MPRIP: variants seen among roughly 807,000 people sequenced by gnomAD.
MPRIP encodes myosin phosphatase Rho-interacting protein.
A neutral mutation model predicts 234.9 loss-of-function variants in MPRIP; 59 were observed. The observed-to-expected ratio is 0.25, with a 90% CI of 0.20 to 0.31. MPRIP has a LOEUF of 0.31. Among genes scored for constraint, MPRIP ranks in the 10% least tolerant of loss-of-function variants. MPRIP has a pLI of 1.00. For synonymous variants in MPRIP, 1,144 were observed against 1,263.9 expected, an observed-to-expected ratio of 0.91 and a Z score of 2.01; for missense variants, 2,436 against 3,071.0, an observed-to-expected ratio of 0.79 and a Z score of 4.89.
chr17:17,111,066 G>A (rs2090157964), intron 3 of MPRIP, among the ~76,000 whole-genome samples: 1 of 151,378 alleles, frequency 6.6e-6, no homozygotes, highest in Admixed American at 6.6e-5. Context: ...GAGAGGTGTA[G>A]GAGAACTCTT....
chr17:17,130,659 T>A (rs1462339034), intron 4 of MPRIP, among the ~76,000 whole-genome samples: 1 of 151,934 alleles, frequency 6.6e-6, no homozygotes, highest in Non-Finnish European at 1.5e-5. Flanking sequence ...TGGAGCGGTG[T>A]CTTCTGAGGC....
chr17:17,149,331 A>G (rs1476557846), intron 11 of MPRIP, among the ~76,000 whole-genome samples: 2 of 152,140 alleles, frequency 1.3e-5, no homozygotes, highest in African/African-American at 4.8e-5. Flanking sequence ...TGTCTCTACT[A>G]AAAATACAAA....
At chr17:17,183,875 C>T (rs900505799) in intron 23 of MPRIP, among the ~76,000 whole-genome samples, 3 of 152,234 alleles carry the variant, frequency 2.0e-5, no homozygotes, top group African/African-American at 7.2e-5. Flanking sequence ...GAGCTAGAGC[C>T]CATCCCTTCA....
intron 3 of MPRIP, 108 bp from the exon 4 acceptor site, chr17:17,126,594 A>G (rs2090493966): frequency 3.2e-6 from 4 of 1,266,440 alleles, no homozygotes; most frequent in East Asian, 2.4e-5. Context: ...GAGGGAGAGC[A>G]CTCCTAGAGG....
chr17:17,171,732 AG>A lies in MPRIP; in HGVS notation c.6342del (p.Phe2115LeufsTer23), dbSNP rs1176173735. ...LESLKATCERGFAAMEETHQK... is the reference protein window; with the variant it reads ...LESLKATCERXFAAMEETHQK... Reference sequence around the variant, plus strand: ...GCATTTTGCAGGCCACGTGCGAGCGAGGGTTTGCAGCAATGGAAGAAACGCA... The same window carrying A: ...GCATTTTGCAGGCCACGTGCGAGCGAGGTTTGCAGCAATGGAAGAAACGCA... On this transcript the variant is annotated frameshift_variant, in exon 17 of 24. Transcript: ENST00000651222. LOFTEE classifies it high-confidence loss of function. The A allele has an allele frequency of 6.2e-7, 1 of 1,612,986 alleles. No individual in the cohort carries two copies. The highest frequency in any genetic ancestry group is 8.5e-7 in the Non-Finnish European group (1 of 1,179,998).
At chr17:17,176,344 T>A in intron 20 of MPRIP, 82 bp from the exon 21 acceptor site, 1 of 1,060,770 alleles carries the variant, frequency 9.4e-7, no homozygotes. Context: ...TGGAGAGCCC[T>A]CTGCACGCTT....
chr17:17,182,808 G>C (rs951245256), intron 23 of MPRIP: 7 of 152,266 alleles, frequency 4.6e-5, no homozygotes, highest in African/African-American at 1.7e-4. Context: ...CCAGGCCTTA[G>C]GAGTGATCAA....
At chr17:17,121,652 ATTTTCTTTTTCT>A (rs571078059) in intron 3 of MPRIP, among the ~76,000 whole-genome samples, 1 of 151,796 alleles carries the variant, frequency 6.6e-6, no homozygotes, top group African/African-American at 2.4e-5. Flanking sequence ...GGAGGGAGCT[ATTTTCTTTTTCT>A]TTTTCTTTTT....
At chr17:17,113,890 T>C (rs865801501) in intron 3 of MPRIP, among the ~76,000 whole-genome samples, 54 of 143,610 alleles carry the variant, frequency 3.8e-4, no homozygotes, top group Admixed American at 1.6e-3. Flanking sequence ...CTTTTCTTTT[T>C]TTTTTTTTTT....
At chr17:17,099,318 A>C (rs181576764) in intron 3 of MPRIP, among the ~76,000 whole-genome samples, 1 of 152,284 alleles carries the variant, frequency 6.6e-6, no homozygotes, top group Admixed American at 6.5e-5. Flanking sequence ...GTTGCATCTA[A>C]ATTCACTTAA....
At chr17:17,066,030 C>T (rs1465389138) in intron 1 of MPRIP, among the ~76,000 whole-genome samples, 1 of 152,108 alleles carries the variant, frequency 6.6e-6, no homozygotes, top group African/African-American at 2.4e-5. Context: ...CTCACTAGTT[C>T]TAGGAGTTTT....
At chr17:17,076,325 C>T (rs1358172558) in intron 2 of MPRIP, 5 of 152,482 alleles carry the variant, frequency 3.3e-5, no homozygotes, top group African/African-American at 1.2e-4. Context: ...CTGGATTTGA[C>T]TCCGGTTACA....
At chr17:17,176,657 T>C in intron 21 of MPRIP, 145 bp downstream of exon 21, 1 of 669,068 alleles carries the variant, frequency 1.5e-6, no homozygotes. Flanking sequence ...AATCAAGCCC[T>C]CTTAAAAGAC....
intron 9 of MPRIP, 61 bp downstream of exon 9, chr17:17,143,730 C>A: frequency 8.4e-7 from 1 of 1,185,526 alleles, no homozygotes. Flanking sequence ...CACTCTGAGG[C>A]GCTGTCTGTT....
At chr17:17,109,175 C>T (rs775475381) in intron 3 of MPRIP, among the ~76,000 whole-genome samples, 5 of 152,280 alleles carry the variant, frequency 3.3e-5, no homozygotes, top group East Asian at 1.9e-4. Context: ...AATCAGTATC[C>T]GTTCTGCCCA....
intron 3 of MPRIP, among the ~76,000 whole-genome samples, chr17:17,111,142 G>C (rs2090159468): frequency 8.9e-6 from 1 of 112,934 alleles, no homozygotes; most frequent in African/African-American, 3.4e-5. Flanking sequence ...TATTTTAAAA[G>C]TTTAAAAAAA....
At chr17:17,114,323 C>T (rs572364034) in intron 3 of MPRIP, among the ~76,000 whole-genome samples, 1 of 152,098 alleles carries the variant, frequency 6.6e-6, no homozygotes, top group East Asian at 1.9e-4. Flanking sequence ...AATACTTTGT[C>T]AGATATATGA....
At chr17:17,100,206 C>T (rs751377640) in intron 3 of MPRIP, among the ~76,000 whole-genome samples, 11 of 152,166 alleles carry the variant, frequency 7.2e-5, no homozygotes, top group Non-Finnish European at 1.6e-4. Context: ...CAAAGAGATT[C>T]TGACTTGAGA....
chr17:17,167,501 C>T lies in MPRIP; in HGVS notation c.5910C>T (p.Arg1970=). The T allele has an allele frequency of 7.7e-7, 1 of 1,304,204 alleles. No individual in the cohort carries two copies. Among genetic ancestry groups the T allele is most frequent in the Non-Finnish European group, 1.0e-6 (1 of 988,960 alleles). 80.8% of individuals were successfully genotyped at this position (1,304,204 alleles called of 1,614,324 possible). Residue 1970 remains arginine (R), a synonymous_variant, in exon 16 of 24, where the codon CGC becomes CGT. Coordinates refer to ENST00000651222, the MANE Select transcript of MPRIP (RefSeq NM_001364716.4). The surrounding 1 kb of genome is among the most constrained non-coding windows in gnomAD (Gnocchi z 5.9). ...CCGAGAGCACACTGCAGGCTGAGCGCAGCCGGGTCCTGAGCCAGCTGGATG... is the reference window on the plus strand; with the variant it reads ...CCGAGAGCACACTGCAGGCTGAGCGTAGCCGGGTCCTGAGCCAGCTGGATG... ...TRTESTLQAE[R]SRVLSQLDAS...
Sources: allele counts gnomAD v4.1 joint callset (sites outside exome capture counted in the v4.1 genomes callset), GRCh38; gene constraint gnomAD v4.1.1; non-coding constraint Gnocchi (gnomAD v3.1); transcripts MANE v1.5; gene names NCBI Gene and HGNC (gene_info 2026-07-23, HGNC 2026-07-21).